The following FAM228B variants were observed in gnomAD, a reference collection of about 807,000 sequenced individuals.
FAM228B encodes family with sequence similarity 228 member B.
Under a neutral mutation model 42.6 loss-of-function variants are expected in FAM228B, and 38 were observed. The ratio of observed to expected loss-of-function variants is 0.89; its 90% CI spans 0.69 to 1.17. The LOEUF (loss-of-function observed/expected upper bound fraction) is 1.17. Ranked by LOEUF, FAM228B falls within the 50% of genes most tolerant of loss-of-function variation. The pLI, the probability that FAM228B is intolerant of heterozygous loss-of-function variation, is 0.00. For missense variants in FAM228B, 344 were observed against 367.3 expected (o/e 0.94, Z 0.52); for synonymous variants, 109 against 122.3 (o/e 0.89, Z 0.72).
Position 24,095,158 on chromosome 2 carries a change from G to T in FAM228B, c.-192G>T, listed in dbSNP as rs1003146469. On this transcript the variant is annotated 5_prime_UTR_variant, in exon 3 of 11. Transcript: ENST00000613899. This position sits in a 1 kb window ranked among gnomAD's most constrained non-coding sequence, Gnocchi z 4.8. Reference sequence around the variant, plus strand: ...TTTAACAGTTAAAAGTTTAACAACCGGAACAGCTCCAGTCTGCAGCTCCCA... The same window carrying T: ...TTTAACAGTTAAAAGTTTAACAACCTGAACAGCTCCAGTCTGCAGCTCCCA... The T allele has an allele frequency of 6.6e-6, 1 of 152,258 alleles. No homozygotes were observed. Among genetic ancestry groups the T allele is most frequent in the African/African-American group, 2.4e-5 (1 of 41,416 alleles). The allele number at this position is 152,258 out of a possible 1,614,324, so 9.4% of individuals were successfully genotyped here.
intron 10 of FAM228B, among the ~76,000 whole-genome samples, chr2:24,168,220 T>C (rs1200088881): frequency 6.6e-6 from 1 of 152,152 alleles, no homozygotes; most frequent in African/African-American, 2.4e-5. Flanking sequence ...CTCATATAGA[T>C]GCTATGTGAA....
chr2:24,120,983 A>G (rs1666096854), upstream of FAM228B, among the ~76,000 whole-genome samples: 2 of 150,358 alleles, frequency 1.3e-5, no homozygotes, highest in African/African-American at 4.9e-5. Flanking sequence ...TCTCAAAACC[A>G]GGCTCTTGAT....
At position 24,145,488 on chromosome 2, in the gene FAM228B, A is replaced by G. The variant is rs1339874376; in HGVS notation, c.442-1260A>G. Among the ~76,000 whole-genome samples the G allele has an allele frequency of 9.8e-5, 15 of 152,338 alleles. No individual in the cohort carries two copies. The East Asian group carries it at 2.9e-3, about 29-fold the overall frequency. ...TCCAGGAAAAAGTCCTCCCCTACGGAAGCAATCCAGAAAACAGGAAGAAGC... is the reference window on the plus strand; with the variant it reads ...TCCAGGAAAAAGTCCTCCCCTACGGGAGCAATCCAGAAAACAGGAAGAAGC... On this transcript the variant is annotated intron_variant, in intron 5 of 10. Coordinates refer to ENST00000615575, the MANE Select transcript of FAM228B (RefSeq NM_001145710.2).
chr2:24,114,775 T>C (rs1308354014), intron 3 of FAM228B, among the ~76,000 whole-genome samples: 1 of 152,136 alleles, frequency 6.6e-6, no homozygotes, highest in African/African-American at 2.4e-5. Context: ...ATAGGTTCTA[T>C]AGCTCTCCAC....
intron 5 of FAM228B, among the ~76,000 whole-genome samples, chr2:24,145,278 C>A (rs1023979127): frequency 3.3e-5 from 5 of 152,192 alleles, no homozygotes; most frequent in African/African-American, 1.2e-4. Context: ...GGGGACTGGC[C>A]TGCCCAGTGT....
chr2:24,080,774 A>C lies in FAM228B; in HGVS notation c.-289-102A>C. The C allele has an allele frequency of 6.2e-7, 1 of 1,609,504 alleles. No individual in the cohort carries two copies. Among genetic ancestry groups the C allele is most frequent in the South Asian group, 1.1e-5 (1 of 90,816 alleles). ...TTTGAGACTGGTGGGGCTTTTATTT[A>C]ATCATCTCTTAAATTCCTGCTGAAC... On this transcript the variant is annotated intron_variant, in intron 1 of 10. Transcript: ENST00000613899. This position sits in a 1 kb window ranked among gnomAD's most constrained non-coding sequence, Gnocchi z 4.7.
At chr2:24,092,063 C>T (rs1386239793) in intron 2 of FAM228B, among the ~76,000 whole-genome samples, 1 of 151,322 alleles carries the variant, frequency 6.6e-6, no homozygotes, top group African/African-American at 2.4e-5. Context: ...AAAACCCCAT[C>T]CCTACAAAAA....
intron 3 of FAM228B, among the ~76,000 whole-genome samples, chr2:24,113,844 G>A (rs887417087): frequency 6.6e-6 from 1 of 151,858 alleles, no homozygotes; most frequent in Non-Finnish European, 1.5e-5. Context: ...ACCATTGCAC[G>A]CCAGCCTGGG....
intron 5 of FAM228B, among the ~76,000 whole-genome samples, chr2:24,141,613 C>T (rs768437126): frequency 2.0e-5 from 3 of 152,004 alleles, no homozygotes; most frequent in East Asian, 1.9e-4. Context: ...CTCCTGACCT[C>T]GTGATCCGCC....
chr2:24,138,072 A>C lies in FAM228B; in HGVS notation c.332A>C (p.Asp111Ala). The change falls in exon 4 of 11, where the codon GAT becomes GCT. Residue 111 changes from aspartate to alanine, a missense_variant. Asp to Ala is a moderately radical substitution (Grantham distance 126). Coordinates refer to ENST00000615575, the MANE Select transcript of FAM228B (RefSeq NM_001145710.2). ...KIKKRRQGEL[D>A]GFLKHVNKKG... is the part of the protein sequence containing the mutation. ...AAAAAAAGGAGGCAAGGGGAATTAG[A>C]TGGCTTTTTAAAACATGTAAATAAA... 6.5e-7 allele frequency: 1 copy of C among 1,534,074 alleles called. No homozygotes were observed. The highest frequency in any genetic ancestry group is 8.7e-7 in the Non-Finnish European group (1 of 1,143,080).
chr2:24,140,191 T>G (rs574682642), intron 5 of FAM228B, among the ~76,000 whole-genome samples: 2 of 152,286 alleles, frequency 1.3e-5, no homozygotes, highest in East Asian at 3.9e-4. Context: ...TTGTTTCGTT[T>G]TTTCAGAGGG....
rs1265168667 is a variant in FAM228B, at chr2:24,161,546, T to A, written c.727T>A (p.Leu243Met). 6.5e-7 allele frequency: 1 copy of A among 1,548,520 alleles called. No individual in the cohort carries two copies. Among genetic ancestry groups the A allele is most frequent in the Non-Finnish European group, 8.7e-7 (1 of 1,144,010 alleles). Reference protein sequence around the residue: ...KVNFNDCSFDLKPLARAPYLL... With the variant: ...KVNFNDCSFDMKPLARAPYLL... ...GAATTTTAATGACTGTAGTTTTGATTTGAAACCTTTGGCAAGAGCTCCTTA... is the reference window on the plus strand; with the variant it reads ...GAATTTTAATGACTGTAGTTTTGATATGAAACCTTTGGCAAGAGCTCCTTA... The change falls in exon 8 of 11, where the codon TTG becomes ATG. Residue 243 changes from leucine to methionine, a missense_variant. Transcript: ENST00000615575.
chr2:24,121,076 T>A (rs1573753033), upstream of FAM228B: 3 of 1,520,324 alleles, frequency 2.0e-6, no homozygotes, highest in East Asian at 4.5e-5. Context: ...ATTTAATCTG[T>A]TTTACAGAAA....
At chr2:24,156,564 G>T (rs888147955) in intron 7 of FAM228B, among the ~76,000 whole-genome samples, 1 of 152,152 alleles carries the variant, frequency 6.6e-6, no homozygotes, top group Non-Finnish European at 1.5e-5. Context: ...AACCCTGGAG[G>T]CAGAGGTTGC....
Position 24,077,834 on chromosome 2 carries a change from T to C in FAM228B, c.-290+865T>C. The C allele has an allele frequency of 6.6e-7, 1 of 1,510,604 alleles. No individual in the cohort carries two copies. The highest frequency in any genetic ancestry group is 8.9e-7 in the Non-Finnish European group (1 of 1,117,758). 93.6% of individuals were successfully genotyped at this position (1,510,604 alleles called of 1,614,324 possible). ...CTGCCCTCCTCATCCTCCTCAGCCT[T>C]CTTGCTCTCTCTGAAGCCACGTATC... On this transcript the variant is annotated intron_variant, in intron 1 of 10. Coordinates refer to the FAM228B transcript ENST00000613899. This position sits in a 1 kb window ranked among gnomAD's most constrained non-coding sequence, Gnocchi z 5.5.
Position 24,089,976 on chromosome 2 carries a change from G to GAAA in FAM228B, c.-209-5152_-209-5150dup, listed in dbSNP as rs33915915. On this transcript the variant is annotated intron_variant, in intron 2 of 10. Transcript: ENST00000613899. Reference sequence around the variant, plus strand: ...GAGCAAAACTCCGTCTAAAAAAAAAGAAAAAAAAAAAAAAACGCCGGGCGC... The same window carrying GAAA: ...GAGCAAAACTCCGTCTAAAAAAAAAGAAAAAAAAAAAAAAAAAACGCCGGGCGC... 1.2e-3 allele frequency among the ~76,000 whole-genome samples: 154 copies of GAAA among 130,516 alleles called. 4 individuals are homozygous for GAAA. Among genetic ancestry groups the GAAA allele is most frequent in the African/African-American group, 1.7e-3 (59 of 34,774 alleles). 85.6% of individuals were successfully genotyped at this position (130,516 alleles called of 152,430 possible). A position where few individuals can be genotyped will look rare whatever the true frequency, so the allele number is the denominator to read the frequency against.
intron 9 of FAM228B, chr2:24,165,603 C>T (rs1367037179): frequency 2.8e-6 from 1 of 359,460 alleles, no homozygotes; most frequent in African/African-American, 2.1e-5. Flanking sequence ...AACTTAAAGA[C>T]ATTTAGAACC....
intron 2 of FAM228B, among the ~76,000 whole-genome samples, chr2:24,093,036 G>A (rs756072248): frequency 6.6e-6 from 1 of 151,650 alleles, no homozygotes; most frequent in Non-Finnish European, 1.5e-5. Flanking sequence ...GGCTCAAGGC[G>A]TTTCTCCTTA....
Position 24,147,033 on chromosome 2 carries a change from G to C in FAM228B, c.633G>C (p.Glu211Asp). The change falls in exon 7 of 11, where the codon GAG becomes GAC. Residue 211 changes from glutamate to aspartate, a missense_variant. Coordinates refer to ENST00000615575, the MANE Select transcript of FAM228B (RefSeq NM_001145710.2). ...CAAGGCACTTTATAACTCCAAACGA[G>C]TGGCTGAAACTGCCTACAAGATACA... ...SNSRHFITPN[E>D]WLKLPTRYIE... 1 of 1,551,362 alleles carries C rather than the reference G, an allele frequency of 6.4e-7. No homozygotes were observed. The highest frequency in any genetic ancestry group is 8.7e-7 in the Non-Finnish European group (1 of 1,146,816).
Sources: gnomAD v4.1 joint callset for allele counts (sites outside exome capture counted in the v4.1 genomes callset) on GRCh38, gnomAD v4.1.1 for gene constraint, Gnocchi (gnomAD v3.1) non-coding constraint, MANE v1.5 for transcripts, NCBI Gene and HGNC (gene_info 2026-07-23, HGNC 2026-07-21) for gene names.